Variants in DENND4A observed in about 807,000 individuals in gnomAD.
DENND4A encodes DENN domain containing 4A.
In DENND4A, 70 loss-of-function variants were observed where a neutral mutation model predicts 199.3. The observed-to-expected ratio is 0.35, with a 90% CI of 0.29 to 0.43. The LOEUF (loss-of-function observed/expected upper bound fraction) is 0.43, where lower values mean the gene tolerates loss of function less well. Among genes scored for constraint, DENND4A ranks in the 20% least tolerant of loss-of-function variants. DENND4A has a pLI of 1.00. For synonymous variants in DENND4A, 686 were observed against 766.9 expected, an observed-to-expected ratio of 0.89 and a Z score of 1.74; for missense variants, 1,723 against 2,255.8, an observed-to-expected ratio of 0.76 and a Z score of 4.78.
chr15:65,770,499 A>AT (rs1200744193), intron 1 of DENND4A, among the ~76,000 whole-genome samples: 1 of 152,160 alleles, frequency 6.6e-6, no homozygotes, highest in African/African-American at 2.4e-5. Context: ...CTATGCATGT[A>AT]TATGTATAGT....
chr15:65,694,174 A>T (rs914983203), intron 22 of DENND4A, among the ~76,000 whole-genome samples: 3 of 152,108 alleles, frequency 2.0e-5, no homozygotes, highest in Non-Finnish European at 2.9e-5. Context: ...TGAGGGCTGG[A>T]GCAGAGGCTC....
intron 8 of DENND4A, 136 bp downstream of exon 8, chr15:65,732,616 A>G: frequency 3.8e-6 from 2 of 526,086 alleles, no homozygotes; most frequent in South Asian, 3.3e-5. Context: ...CCCAAACTAC[A>G]ACAGGTAATA....
intron 23 of DENND4A, among the ~76,000 whole-genome samples, chr15:65,683,593 T>C (rs2076654799): frequency 6.6e-6 from 1 of 152,246 alleles, no homozygotes; most frequent in Non-Finnish European, 1.5e-5. Context: ...AACATTATTC[T>C]AATTTCCTTT....
At chr15:65,732,627 G>A (rs1277015426) in intron 8 of DENND4A, 125 bp downstream of exon 8, 1 of 576,948 alleles carries the variant, frequency 1.7e-6, no homozygotes, top group Non-Finnish European at 3.0e-6. Flanking sequence ...ACAGGTAATA[G>A]TATCTGGTTC....
chr15:65,704,504 CTGGGACCACAGGTG>C (rs1452608220), intron 15 of DENND4A, among the ~76,000 whole-genome samples: 1 of 152,162 alleles, frequency 6.6e-6, no homozygotes, highest in Admixed American at 6.5e-5. Context: ...TCCTGAGTAG[CTGGGACCACAGGTG>C]TGCAGCACCA....
At chr15:65,697,523 T>C in intron 20 of DENND4A, 140 bp from the exon 21 acceptor site, 1 of 592,194 alleles carries the variant, frequency 1.7e-6, no homozygotes, top group Admixed American at 3.4e-5. Context: ...ATTATTTTGT[T>C]AGCTACCCTT....
At chr15:65,682,856 G>C (rs2076627462) in intron 23 of DENND4A, among the ~76,000 whole-genome samples, 2 of 152,134 alleles carry the variant, frequency 1.3e-5, no homozygotes, top group South Asian at 4.1e-4. Context: ...CTGAGGAGAG[G>C]GAGAGAGTCA....
rs778786755 is a variant in DENND4A at position 65,661,818 on chromosome 15, TA to T, written c.*32del. 25 of 1,560,418 alleles carry T rather than the reference TA, an allele frequency of 1.6e-5. 1 individual carries two copies. The South Asian group carries it at 2.9e-4, about 18-fold the overall frequency. On this transcript the variant is annotated 3_prime_UTR_variant, in exon 33 of 33. Coordinates refer to ENST00000443035, the MANE Select transcript of DENND4A (RefSeq NM_001320835.1). Reference sequence around the variant, plus strand: ...GTTATTTTATACACTGACTATACAATATACATTGAATGTTTACACATACAAA... The same window carrying T: ...GTTATTTTATACACTGACTATACAATTACATTGAATGTTTACACATACAAA...
In DENND4A at chr15:65,792,259, T is replaced by A. The variant is rs1392531158; in HGVS notation, c.-351A>T. On this transcript the variant is annotated 5_prime_UTR_variant, in exon 1 of 33. Transcript: ENST00000443035. ...TCCGCCTCTTTCTCCGACTCTAGCC[T>A]CCGCGGCCACCGCGACCGGCGCCAT... is the stretch of plus-strand genomic sequence containing the variant. 1 of 145,030 alleles carries A rather than the reference T, an allele frequency of 6.9e-6. No individual in the cohort carries two copies. Among genetic ancestry groups the A allele is most frequent in the Admixed American group, 7.0e-5 (1 of 14,328 alleles). 9.0% of individuals were successfully genotyped at this position (145,030 alleles called of 1,614,324 possible).
At chr15:65,680,344 CTTCT>C (rs928843318) in intron 23 of DENND4A, among the ~76,000 whole-genome samples, 8 of 152,216 alleles carry the variant, frequency 5.3e-5, no homozygotes, top group Non-Finnish European at 8.8e-5. Context: ...GCATACTTTT[CTTCT>C]TTCATTGCTT....
intron 4 of DENND4A, among the ~76,000 whole-genome samples, chr15:65,752,130 G>GA (rs2076580251): frequency 6.8e-6 from 1 of 147,488 alleles, no homozygotes; most frequent in African/African-American, 2.5e-5. Flanking sequence ...TAGTGGGCGG[G>GA]GGGGGTGGGG....
chr15:65,719,250 A>G lies in DENND4A; in HGVS notation c.1589-1254T>C, dbSNP rs554670386. The G allele has an allele frequency of 4.6e-5, 7 of 152,546 alleles. No homozygotes were observed. The East Asian group carries it at 1.4e-3, about 30-fold the overall frequency. 9.4% of individuals were successfully genotyped at this position (152,546 alleles called of 1,614,324 possible). The stretch of plus-strand genomic sequence containing the variant: ...TACATATTGAAAACAGACTTTTAAA[A>G]AAAGGGAAAGAAGAACTATTGCATT... On this transcript the variant is annotated intron_variant, in intron 12 of 32. Transcript: ENST00000443035.
intron 1 of DENND4A, among the ~76,000 whole-genome samples, chr15:65,791,241 T>TCTA (rs1414808228): frequency 6.6e-6 from 1 of 152,206 alleles, no homozygotes; most frequent in Admixed American, 6.5e-5. Context: ...TCTCTACGGT[T>TCTA]CTAGGCGTAA....
rs950682941 is a variant in DENND4A, at chr15:65,764,818, T to A, written c.-101-3380A>T. ...TGAGACCCCATCTGTACAAAAAATTTAAAAATTTGCTGGGTGTGGTAGTGT... is the reference window on the plus strand; with the variant it reads ...TGAGACCCCATCTGTACAAAAAATTAAAAAATTTGCTGGGTGTGGTAGTGT... On this transcript the variant is annotated intron_variant, in intron 1 of 32. Coordinates refer to ENST00000443035, the MANE Select transcript of DENND4A (RefSeq NM_001320835.1). Among the ~76,000 whole-genome samples the A allele has an allele frequency of 1.6e-4, 25 of 151,772 alleles. No individual in the cohort carries two copies. The East Asian group carries it at 2.5e-3, about 15-fold the overall frequency.
In DENND4A at chr15:65,659,326, T is replaced by TTTTTTG. The variant is rs2075780365; in HGVS notation, c.*2524_*2525insCAAAAA. 1 of 109,582 alleles carries TTTTTTG rather than the reference T, an allele frequency of 9.1e-6. No individual in the cohort carries two copies. The highest frequency in any genetic ancestry group is 4.5e-5 in the African/African-American group (1 of 22,138). The allele number at this position is 109,582 out of a possible 1,614,324, so 6.8% of individuals were successfully genotyped here. On this transcript the variant is annotated 3_prime_UTR_variant, in exon 33 of 33. Coordinates refer to ENST00000443035, the MANE Select transcript of DENND4A (RefSeq NM_001320835.1). The stretch of plus-strand genomic sequence containing the variant: ...TTAAATGATTGATATTTTCTGGTTT[T>TTTTTTG]TTTTTTTTTTTTTTTTTTTTTTTTT...
intron 3 of DENND4A, among the ~76,000 whole-genome samples, chr15:65,755,247 G>A (rs2076669881): frequency 6.6e-6 from 1 of 152,182 alleles, no homozygotes; most frequent in Non-Finnish European, 1.5e-5. Context: ...AGGAAATTGG[G>A]TAGCAACTAA....
At chr15:65,758,407 G>A (rs2076768864) in intron 2 of DENND4A, among the ~76,000 whole-genome samples, 1 of 152,130 alleles carries the variant, frequency 6.6e-6, no homozygotes, top group Non-Finnish European at 1.5e-5. Flanking sequence ...TTGACCACCT[G>A]GGCTCAAGCA....
At chr15:65,694,318 G>A (rs1275441200) in intron 22 of DENND4A, among the ~76,000 whole-genome samples, 5 of 151,990 alleles carry the variant, frequency 3.3e-5, no homozygotes, top group South Asian at 2.1e-4. Context: ...GCGTGGTGGC[G>A]TGTGCCTGTA....
In DENND4A at chr15:65,702,947, C is replaced by T; in HGVS notation, c.2149G>A (p.Ala717Thr). The T allele has an allele frequency of 6.2e-7, 1 of 1,613,200 alleles. No homozygotes were observed. ...LFERPEGFLQ[A>T]KKNKLPSKSS... ...TTTGAAGGCAATTTGTTCTTCTTTG[C>T]TTGTAGAAATCCTTCAGGTCTTTCA... Residue 717 changes from alanine (A) to threonine (T), a missense_variant, in exon 16 of 33, where the codon GCA (alanine) becomes ACA (threonine). Around this residue, in one of 6 missense-constraint regions of DENND4A, gnomAD observed 725 missense variants for 952.9 expected, o/e 0.76. Transcript: ENST00000443035.
Sources: allele counts gnomAD v4.1 joint callset (sites outside exome capture counted in the v4.1 genomes callset), GRCh38; gene constraint gnomAD v4.1.1; regional missense constraint gnomAD v4.1.1; transcripts MANE v1.5; gene names NCBI Gene and HGNC (gene_info 2026-07-23, HGNC 2026-07-21).